Variants in SRGAP1 observed in about 807,000 individuals in gnomAD.
The protein encoded by SRGAP1 is SLIT-ROBO Rho GTPase activating protein 1.
SRGAP1 carries 43 observed loss-of-function variants against 121.9 expected under a neutral mutation model. That is an observed-to-expected ratio of 0.35 (90% CI 0.28 to 0.46). SRGAP1 has a LOEUF of 0.46. Ranked by LOEUF, SRGAP1 falls within the 20% of genes least tolerant of loss-of-function variation. SRGAP1 has a pLI of 1.00. For synonymous variants in SRGAP1, 447 were observed against 485.4 expected, an observed-to-expected ratio of 0.92 and a Z score of 1.04; for missense variants, 1,102 against 1,350.9, an observed-to-expected ratio of 0.82 and a Z score of 2.89.
At chr12:63,990,224 A>G in intron 3 of SRGAP1, 152 bp downstream of exon 3, 2 of 679,342 alleles carry the variant, frequency 2.9e-6, no homozygotes, top group Non-Finnish European at 4.8e-6. Flanking sequence ...GGATGTTTTA[A>G]AGACACGGAA....
chr12:63,939,395 A>G lies in SRGAP1; in HGVS notation c.68-44552A>G, dbSNP rs537267642. On this transcript the variant is annotated intron_variant, in intron 1 of 21. Coordinates refer to ENST00000355086, the MANE Select transcript of SRGAP1 (RefSeq NM_020762.4). ...TCCTTGGAATGGCAAGTGTCCTATA[A>G]GATATTTGCAATATACTGTTTTTGC... 4.6e-5 allele frequency among the ~76,000 whole-genome samples: 7 copies of G among 152,268 alleles called. No homozygotes were observed. In the East Asian group the frequency reaches 1.2e-3, roughly 25 times the overall value.
At chr12:63,900,787 T>G (rs1351554525) in intron 1 of SRGAP1, among the ~76,000 whole-genome samples, 1 of 152,088 alleles carries the variant, frequency 6.6e-6, no homozygotes, top group Admixed American at 6.5e-5. Context: ...CATTCCAGCC[T>G]GGGTGACAGA....
intron 1 of SRGAP1, among the ~76,000 whole-genome samples, chr12:63,950,416 C>T (rs1335907190): frequency 6.6e-6 from 1 of 152,106 alleles, no homozygotes; most frequent in Non-Finnish European, 1.5e-5. Context: ...GTGCAAATAC[C>T]ACAAGCTTTT....
intron 15 of SRGAP1, among the ~76,000 whole-genome samples, chr12:64,098,165 C>T (rs1006081464): frequency 1.1e-4 from 17 of 152,038 alleles, no homozygotes; most frequent in African/African-American, 4.1e-4. Context: ...CTCCACCCCC[C>T]ATCTGAATCA....
intron 3 of SRGAP1, among the ~76,000 whole-genome samples, chr12:64,003,478 G>GAAA (rs531819299): frequency 6.8e-4 from 29 of 42,778 alleles, no homozygotes; most frequent in African/African-American, 1.6e-3. Flanking sequence ...GGAAGTTTCA[G>GAAA]AAAAAAAAAA....
intron 1 of SRGAP1, among the ~76,000 whole-genome samples, chr12:63,874,225 C>T (rs7953208): frequency 0.3 from 45,364 of 150,824 alleles, 7,946 homozygotes; most frequent in East Asian, 0.55. Flanking sequence ...TTTTTTTGAG[C>T]TGGAGTCTGC....
At chr12:64,004,691 A>C (rs150589700) in intron 3 of SRGAP1, among the ~76,000 whole-genome samples, 1,769 of 152,310 alleles carry the variant, frequency 0.012, 20 homozygotes, top group Non-Finnish European at 0.019. Context: ...ATTTTCAAAG[A>C]GGCATAGACA....
intron 10 of SRGAP1, chr12:64,081,790 AG>A (rs1466776150): frequency 1.3e-5 from 2 of 151,632 alleles, no homozygotes; most frequent in Non-Finnish European, 2.9e-5. Flanking sequence ...AAAAAAAAAA[AG>A]AGGGAGAGAG....
chr12:64,039,370 AG>A (rs1364085177), intron 4 of SRGAP1, among the ~76,000 whole-genome samples: 1 of 152,188 alleles, frequency 6.6e-6, no homozygotes, highest in African/African-American at 2.4e-5. Flanking sequence ...CTAGTCAGTA[AG>A]GAACACCCTG....
At position 64,146,747 on chromosome 12, in the gene SRGAP1, A is replaced by G. The variant is rs2037058651; in HGVS notation, c.*4075A>G. ...AGCTCCCTACTCCAGACCACCTGCC[A>G]CCCACCTCCCAAGTTGAGAACACAA... On this transcript the variant is annotated 3_prime_UTR_variant, in exon 22 of 22. Coordinates refer to ENST00000355086, the MANE Select transcript of SRGAP1 (RefSeq NM_020762.4). 1 of 152,110 alleles carries G rather than the reference A, an allele frequency of 6.6e-6. No individual in the cohort carries two copies. The highest frequency in any genetic ancestry group is 2.1e-4 in the South Asian group (1 of 4,828). The allele number at this position is 152,110 out of a possible 1,614,324, so 9.4% of individuals were successfully genotyped here. A position where few individuals can be genotyped will look rare whatever the true frequency, so the allele number is the denominator to read the frequency against.
intron 1 of SRGAP1, chr12:63,982,440 G>A (rs1230576688): frequency 1.3e-5 from 2 of 152,130 alleles, no homozygotes; most frequent in Non-Finnish European, 2.9e-5. Flanking sequence ...TAAACACTGA[G>A]TTATTATTAG....
chr12:63,964,970 GA>G (rs1047776871), intron 1 of SRGAP1, among the ~76,000 whole-genome samples: 5 of 152,148 alleles, frequency 3.3e-5, no homozygotes, highest in Non-Finnish European at 7.3e-5. Context: ...CTTATACGGG[GA>G]AAAAATACGA....
intron 1 of SRGAP1, chr12:63,871,697 C>T (rs1899860387): frequency 3.9e-6 from 3 of 774,608 alleles, no homozygotes; most frequent in Non-Finnish European, 6.4e-6. Flanking sequence ...TCTATTGCTT[C>T]AACATTTTCT....
chr12:63,983,798 ATATATATATATATATATATATATATAT>A (rs2033322558), intron 1 of SRGAP1, 122 bp from the exon 2 acceptor site: 1 of 1,116 alleles, frequency 9.0e-4, no homozygotes, highest in African/African-American at 1.2e-3. Flanking sequence ...TACATTTAAA[ATATATATATATATATATATATATATAT>A]ATATATATAT....
chr12:63,849,519 G>A (rs1899006534), intron 1 of SRGAP1, among the ~76,000 whole-genome samples: 1 of 152,194 alleles, frequency 6.6e-6, no homozygotes, highest in Admixed American at 6.5e-5. Flanking sequence ...TGTACAGGGA[G>A]TGCCAAGAAA....
At chr12:64,052,582 T>A (rs546779791) in intron 6 of SRGAP1, among the ~76,000 whole-genome samples, 4 of 151,750 alleles carry the variant, frequency 2.6e-5, no homozygotes, top group African/African-American at 7.2e-5. Context: ...TAAACGTATA[T>A]GTTTTGTACT....
At chr12:63,917,480 A>G (rs1390024498) in intron 1 of SRGAP1, among the ~76,000 whole-genome samples, 1 of 152,138 alleles carries the variant, frequency 6.6e-6, no homozygotes, top group Non-Finnish European at 1.5e-5. Flanking sequence ...GAGCAATGTG[A>G]GTCAACAGCA....
At chr12:64,083,296 C>T (rs983191937) in intron 10 of SRGAP1, among the ~76,000 whole-genome samples, 6 of 152,180 alleles carry the variant, frequency 3.9e-5, no homozygotes, top group African/African-American at 1.4e-4. Flanking sequence ...ACTAGACTCA[C>T]CGCTGCAAAA....
intron 1 of SRGAP1, among the ~76,000 whole-genome samples, chr12:63,912,289 T>G (rs762136286): frequency 4.6e-5 from 7 of 152,170 alleles, no homozygotes; most frequent in Middle Eastern, 6.8e-3. Context: ...AAAGGGTAAT[T>G]TATTCAATGT....
Sources: allele counts gnomAD v4.1 joint callset (sites outside exome capture counted in the v4.1 genomes callset), GRCh38; gene constraint gnomAD v4.1.1; transcripts MANE v1.5; gene names NCBI Gene and HGNC (gene_info 2026-07-23, HGNC 2026-07-21).